Variants in KCNH5 observed in about 807,000 individuals in gnomAD.
KCNH5 encodes the protein potassium voltage-gated channel subfamily H member 5.
KCNH5 carries 46 observed loss-of-function variants against 96.1 expected under a neutral mutation model. The ratio of observed to expected loss-of-function variants is 0.48; its 90% CI spans 0.38 to 0.61. The LOEUF (loss-of-function observed/expected upper bound fraction) is 0.61. Among genes scored for constraint, KCNH5 ranks in the 20% least tolerant of loss-of-function variants. The pLI is 0.00. For synonymous variants in KCNH5, 439 were observed against 449.8 expected, an observed-to-expected ratio of 0.98 and a Z score of 0.30; for missense variants, 907 against 1,225.8, an observed-to-expected ratio of 0.74 and a Z score of 3.88.
intron 7 of KCNH5, among the ~76,000 whole-genome samples, chr14:62,898,825 T>C (rs1888866824): frequency 6.6e-6 from 1 of 152,158 alleles, no homozygotes; most frequent in African/African-American, 2.4e-5. Context: ...ATAGAAATTA[T>C]ATGCAGAATA....
chr14:62,913,518 G>A (rs1252610174), intron 7 of KCNH5, among the ~76,000 whole-genome samples: 2 of 148,940 alleles, frequency 1.3e-5, no homozygotes, highest in Non-Finnish European at 2.9e-5. Context: ...GAGCCACTGC[G>A]CCCGGCCAAA....
rs1887045985 is a variant in KCNH5, at chr14:62,818,493, A to G, written c.1570-15912T>C. Reference sequence around the variant, plus strand: ...TACCAATACACACATCACAGTGGCTAATATGTAAAAGGATGACAATGTATC... The same window carrying G: ...TACCAATACACACATCACAGTGGCTGATATGTAAAAGGATGACAATGTATC... On this transcript the variant is annotated intron_variant, in intron 8 of 10. Coordinates refer to ENST00000322893, the MANE Select transcript of KCNH5 (RefSeq NM_139318.5). Among the ~76,000 whole-genome samples, 3 of 152,324 alleles carry G rather than the reference A, an allele frequency of 2.0e-5. No homozygotes were observed. The South Asian group carries it at 6.2e-4, about 32-fold the overall frequency.
At chr14:63,005,428 G>A (rs1458941661) in intron 3 of KCNH5, among the ~76,000 whole-genome samples, 1 of 152,156 alleles carries the variant, frequency 6.6e-6, no homozygotes, top group African/African-American at 2.4e-5. Context: ...AGATCCAACA[G>A]GCACTGAACA....
Position 62,808,535 on chromosome 14 carries a change from T to C in KCNH5, c.1570-5954A>G, listed in dbSNP as rs187384725. On this transcript the variant is annotated intron_variant, in intron 8 of 10. Coordinates refer to ENST00000322893, the MANE Select transcript of KCNH5 (RefSeq NM_139318.5). Reference sequence around the variant, plus strand: ...TATGTCTATAAAGTTTTATGAAAAATTCAGTTTAACATTAATAGTACATTA... The same window carrying C: ...TATGTCTATAAAGTTTTATGAAAAACTCAGTTTAACATTAATAGTACATTA... Among the ~76,000 whole-genome samples, 544 of 152,190 alleles carry C rather than the reference T, an allele frequency of 3.6e-3. 3 individuals carry two copies. Among genetic ancestry groups the C allele is most frequent in the Middle Eastern group, 0.01 (3 of 294 alleles).
At chr14:62,739,996 A>G (rs902304380) in intron 10 of KCNH5, among the ~76,000 whole-genome samples, 2 of 152,038 alleles carry the variant, frequency 1.3e-5, no homozygotes, top group Admixed American at 6.6e-5. Flanking sequence ...CTGAAGCAGC[A>G]CTGTTAAGAA....
intron 8 of KCNH5, among the ~76,000 whole-genome samples, chr14:62,814,347 T>C (rs1429221627): frequency 6.6e-6 from 1 of 152,232 alleles, no homozygotes; most frequent in Non-Finnish European, 1.5e-5. Context: ...TTAGAGCTTC[T>C]ACTGTGCTTT....
intron 4 of KCNH5, among the ~76,000 whole-genome samples, chr14:62,994,543 G>C (rs1890871330): frequency 6.6e-6 from 1 of 151,922 alleles, no homozygotes; most frequent in Non-Finnish European, 1.5e-5. Context: ...TCAATACCAG[G>C]AACAAAAAAT....
At chr14:62,740,356 C>T (rs1475047521) in intron 10 of KCNH5, among the ~76,000 whole-genome samples, 5 of 152,168 alleles carry the variant, frequency 3.3e-5, no homozygotes, top group Non-Finnish European at 5.9e-5. Context: ...AGGAGCTAAA[C>T]AAGTGACAAT....
At chr14:62,867,226 C>T (rs927624618) in intron 7 of KCNH5, among the ~76,000 whole-genome samples, 1 of 152,126 alleles carries the variant, frequency 6.6e-6, no homozygotes, top group Non-Finnish European at 1.5e-5. Context: ...CACATAGATA[C>T]GTGATAAGTA....
chr14:62,794,199 G>GT (rs1207204941), intron 9 of KCNH5, among the ~76,000 whole-genome samples: 7 of 151,926 alleles, frequency 4.6e-5, no homozygotes, highest in African/African-American at 7.2e-5. Flanking sequence ...TTGGTGAAGG[G>GT]TTTTTGTAAC....
intron 10 of KCNH5, among the ~76,000 whole-genome samples, chr14:62,722,916 C>T (rs1884845389): frequency 6.6e-6 from 1 of 152,186 alleles, no homozygotes. Context: ...CTCCAGTGTT[C>T]CTTCCACTAT....
intron 8 of KCNH5, among the ~76,000 whole-genome samples, chr14:62,806,779 T>C (rs1395068703): frequency 2.0e-5 from 3 of 152,084 alleles, no homozygotes; most frequent in African/African-American, 4.8e-5. Context: ...TTTAGGGGGT[T>C]AGAGGCCCCT....
chr14:62,706,125 CTT>C lies in KCNH5; in HGVS notation c.*1381_*1382del, dbSNP rs749954136. The C allele has an allele frequency of 1.3e-5, 2 of 152,076 alleles. No homozygotes were observed. Among genetic ancestry groups the C allele is most frequent in the Non-Finnish European group, 2.9e-5 (2 of 67,940 alleles). The allele number at this position is 152,076 out of a possible 1,614,324, so 9.4% of individuals were successfully genotyped here. A position where few individuals can be genotyped will look rare whatever the true frequency, so the allele number is the denominator to read the frequency against. ...GGGACTAGCTATATACAGGACAACT[CTT>C]TGTGACTTTTTTTAAAAACTTGATA... On this transcript the variant is annotated 3_prime_UTR_variant, in exon 11 of 11. Coordinates refer to ENST00000322893, the MANE Select transcript of KCNH5 (RefSeq NM_139318.5).
intron 8 of KCNH5, among the ~76,000 whole-genome samples, chr14:62,806,127 C>T (rs1004246620): frequency 2.0e-5 from 3 of 152,198 alleles, no homozygotes; most frequent in South Asian, 2.1e-4. Context: ...CTCCCATCAG[C>T]GCCATGACAG....
intron 7 of KCNH5, among the ~76,000 whole-genome samples, chr14:62,883,619 A>G (rs575148633): frequency 6.6e-6 from 1 of 152,286 alleles, no homozygotes; most frequent in South Asian, 2.1e-4. Flanking sequence ...CAGAAAATTT[A>G]TGTTAGAATA....
chr14:62,779,000 C>T (rs1349933628), intron 10 of KCNH5, among the ~76,000 whole-genome samples: 1 of 152,218 alleles, frequency 6.6e-6, no homozygotes, highest in Non-Finnish European at 1.5e-5. Flanking sequence ...TTTCAAAATA[C>T]TTCACCACAG....
chr14:62,939,916 G>C (rs1349007889), intron 7 of KCNH5, among the ~76,000 whole-genome samples: 1 of 151,986 alleles, frequency 6.6e-6, no homozygotes, highest in Non-Finnish European at 1.5e-5. Flanking sequence ...CTACAGTCTG[G>C]GTGGCAAGAG....
intron 8 of KCNH5, among the ~76,000 whole-genome samples, chr14:62,805,086 A>AATAC (rs1886738528): frequency 6.6e-6 from 1 of 152,190 alleles, no homozygotes; most frequent in Non-Finnish European, 1.5e-5. Context: ...AAAAAATTTA[A>AATAC]ATACATACAC....
At chr14:62,796,587 G>A (rs959201384) in intron 9 of KCNH5, among the ~76,000 whole-genome samples, 2 of 152,120 alleles carry the variant, frequency 1.3e-5, no homozygotes, top group Non-Finnish European at 2.9e-5. Flanking sequence ...TTTATGAGCA[G>A]GTAAGTCTAA....
Sources: allele counts gnomAD v4.1 joint callset (sites outside exome capture counted in the v4.1 genomes callset), GRCh38; gene constraint gnomAD v4.1.1; transcripts MANE v1.5; gene names NCBI Gene and HGNC (gene_info 2026-07-23, HGNC 2026-07-21).